The following PCDHA11 variants were observed in gnomAD, a reference collection of about 807,000 sequenced individuals.
PCDHA11 encodes protocadherin alpha-11.
In PCDHA11, 61 loss-of-function variants were observed where a neutral mutation model predicts 70.3. That is an observed-to-expected ratio of 0.87 (90% CI 0.71 to 1.07). The LOEUF (loss-of-function observed/expected upper bound fraction) is 1.07, where lower values mean the gene tolerates loss of function less well. Among genes scored for constraint, PCDHA11 ranks in the 50% least tolerant of loss-of-function variants. The probability of loss-of-function intolerance (pLI) is 0.00; values close to 1 mark genes in which losing one functional copy is unlikely to be tolerated. For missense variants in PCDHA11, 1,324 were observed against 1,237.5 expected, an observed-to-expected ratio of 1.07 and a Z score of -1.05; for synonymous variants, 633 against 555.1, an observed-to-expected ratio of 1.14 and a Z score of -1.97.
intron 1 of PCDHA11, among the ~76,000 whole-genome samples, chr5:140,952,596 GTT>G (rs1246642070): frequency 6.6e-6 from 1 of 152,136 alleles, no homozygotes; most frequent in Non-Finnish European, 1.5e-5. Flanking sequence ...TCTCTAGGAA[GTT>G]CTAAGCTCTC....
At chr5:140,910,891 C>T (rs1273456408) in intron 1 of PCDHA11, among the ~76,000 whole-genome samples, 1 of 152,176 alleles carries the variant, frequency 6.6e-6, no homozygotes, top group Admixed American at 6.5e-5. Context: ...ATATCCATTC[C>T]TATGCCTGTC....
intron 1 of PCDHA11, among the ~76,000 whole-genome samples, chr5:140,960,767 G>A (rs1160174091): frequency 1.3e-5 from 2 of 152,036 alleles, no homozygotes; most frequent in Admixed American, 6.6e-5. Context: ...GAGTTACAGA[G>A]GAGAAATAGG....
At chr5:140,911,814 C>T (rs1165066555) in intron 1 of PCDHA11, among the ~76,000 whole-genome samples, 2 of 152,136 alleles carry the variant, frequency 1.3e-5, no homozygotes, top group African/African-American at 4.8e-5. Context: ...GCAGCCTTCT[C>T]CAGAAACCCC....
Position 141,003,329 on chromosome 5 carries a change from T to C in PCDHA11, c.2540-6298T>C, listed in dbSNP as rs571160293. On this transcript the variant is annotated intron_variant, in intron 3 of 3. Transcript: ENST00000398640. ...GGCCAGCTACTTCCAGAGGGCAGGG[T>C]TTTTTGTTTGTTTGCTCTGTCACCC... Among the ~76,000 whole-genome samples the C allele has an allele frequency of 7.2e-5, 11 of 152,118 alleles. No homozygotes were observed. The South Asian group carries it at 2.3e-3, about 32-fold the overall frequency.
chr5:140,968,734 C>T, intron 1 of PCDHA11: 1 of 1,614,162 alleles, frequency 6.2e-7, no homozygotes, highest in Non-Finnish European at 8.5e-7. Flanking sequence ...GTAGCACTTT[C>T]AACCTGACCG....
chr5:140,876,841 CA>C, intron 1 of PCDHA11: 1 of 1,614,130 alleles, frequency 6.2e-7, no homozygotes, highest in South Asian at 1.1e-5. Flanking sequence ...TGCGTTCGCG[CA>C]GCCCGAGTAC....
intron 1 of PCDHA11, among the ~76,000 whole-genome samples, chr5:140,912,746 A>G (rs1322674627): frequency 6.6e-6 from 1 of 152,200 alleles, no homozygotes; most frequent in Admixed American, 6.5e-5. Flanking sequence ...TGGGTCTGTC[A>G]TAGATGGCTT....
chr5:140,881,724 A>C (rs1165848100), intron 1 of PCDHA11, among the ~76,000 whole-genome samples: 1 of 152,194 alleles, frequency 6.6e-6, no homozygotes, highest in Admixed American at 6.5e-5. Flanking sequence ...GAGGTCTTGA[A>C]AAATATTACA....
At position 141,009,759 on chromosome 5, in the gene PCDHA11, G is replaced by T. The variant is rs200822345; in HGVS notation, c.2672G>T (p.Gly891Val). The change falls in exon 4 of 4, where the codon GGA becomes GTA. Residue 891 changes from glycine to valine, a missense_variant. By Grantham distance (109) the Gly-to-Val change is moderately radical. Transcript: ENST00000398640. ...GELPDKFIIP[G>V]SPAIISIRQE... ...TTGCCCGACAAATTCATTATCCCAG[G>T]ATCTCCTGCAATCATCTCCATCCGG... The T allele has an allele frequency of 6.7e-5, 108 of 1,614,082 alleles. 1 individual carries two copies. The East Asian group carries it at 2.2e-3, about 33-fold the overall frequency.
chr5:140,871,049 T>A lies in PCDHA11; in HGVS notation c.1946T>A (p.Leu649Gln). Residue 649 changes from leucine (L) to glutamine (Q), a missense_variant, in exon 1 of 4, where the codon CTG becomes CAG. By Grantham distance (113) the Leu-to-Gln change is moderately radical (BLOSUM62 -2). Transcript: ENST00000398640. ...ADSPRHRLLVLVKDHGEPALT... is the reference protein window; with the variant it reads ...ADSPRHRLLVQVKDHGEPALT... ...TCGCCGCGCCACCGACTTCTAGTAC[T>A]GGTGAAGGATCACGGTGAGCCGGCG... The A allele has an allele frequency of 2.5e-6, 4 of 1,613,302 alleles. No individual in the cohort carries two copies. The highest frequency in any genetic ancestry group is 3.4e-6 in the Non-Finnish European group (4 of 1,179,848).
chr5:140,883,484 T>C, intron 1 of PCDHA11: 1 of 1,614,066 alleles, frequency 6.2e-7, no homozygotes, highest in Non-Finnish European at 8.5e-7. Flanking sequence ...GAACTACTAC[T>C]CATTAGTGCT....
At chr5:141,002,020 T>A (rs1380012353) in intron 3 of PCDHA11, among the ~76,000 whole-genome samples, 4 of 152,166 alleles carry the variant, frequency 2.6e-5, no homozygotes, top group Admixed American at 6.5e-5. Flanking sequence ...TGCACAGCCT[T>A]CGGTGCCCTG....
At chr5:140,981,378 A>G (rs1386165836) in intron 2 of PCDHA11, among the ~76,000 whole-genome samples, 3 of 152,186 alleles carry the variant, frequency 2.0e-5, no homozygotes, top group Non-Finnish European at 4.4e-5. Flanking sequence ...GTTCAAGACC[A>G]GCCTGGTCAA....
At chr5:140,902,974 A>T (rs1291767760) in intron 1 of PCDHA11, among the ~76,000 whole-genome samples, 1 of 152,178 alleles carries the variant, frequency 6.6e-6, no homozygotes, top group African/African-American at 2.4e-5. Context: ...ATGGGCATTT[A>T]GGTTGGTTCC....
intron 1 of PCDHA11, among the ~76,000 whole-genome samples, chr5:140,974,906 T>G (rs1197306976): frequency 6.6e-6 from 1 of 152,182 alleles, no homozygotes; most frequent in Non-Finnish European, 1.5e-5. Flanking sequence ...TTGTAACAAA[T>G]TACCACAAGT....
chr5:141,009,557 C>T (rs782135260), intron 3 of PCDHA11, 70 bp from the exon 4 acceptor site: 38 of 1,565,272 alleles, frequency 2.4e-5, no homozygotes, highest in Non-Finnish European at 2.8e-5. Flanking sequence ...TACTCCTGTA[C>T]TCTACCAGCA....
At chr5:140,999,521 T>C (rs1554256849) in intron 3 of PCDHA11, among the ~76,000 whole-genome samples, 1 of 152,106 alleles carries the variant, frequency 6.6e-6, no homozygotes, top group Non-Finnish European at 1.5e-5. Flanking sequence ...AGCATTTTGT[T>C]ACCCCCTGGA....
At position 140,883,599 on chromosome 5, in the gene PCDHA11, G is replaced by A. The variant is rs1562791244; in HGVS notation, c.2391+12105G>A. ...TGGGCCACGGCCAGCGTGTCGGTGG[G>A]GGTGGCCGACGTGAACGACAACGCG... On this transcript the variant is annotated intron_variant, in intron 1 of 3. Coordinates refer to ENST00000398640, the MANE Select transcript of PCDHA11 (RefSeq NM_018902.5). 4 of 1,614,016 alleles carry A rather than the reference G, an allele frequency of 2.5e-6. No homozygotes were observed. Among genetic ancestry groups the A allele is most frequent in the Non-Finnish European group, 3.4e-6 (4 of 1,179,942 alleles).
intron 3 of PCDHA11, among the ~76,000 whole-genome samples, chr5:140,999,235 T>C (rs1407252981): frequency 6.6e-6 from 1 of 152,154 alleles, no homozygotes; most frequent in Non-Finnish European, 1.5e-5. Context: ...GAATAGGTGG[T>C]TAAAGTGGGA....
Sources: allele counts gnomAD v4.1 joint callset (sites outside exome capture counted in the v4.1 genomes callset), GRCh38; gene constraint gnomAD v4.1.1; transcripts MANE v1.5; gene names NCBI Gene and HGNC (gene_info 2026-07-23, HGNC 2026-07-21).